Variants in HERC1 observed in about 807,000 individuals in gnomAD.
The protein encoded by HERC1 is HECT and RLD domain containing E3 ubiquitin protein ligase family member 1, also known as probable E3 ubiquitin-protein ligase HERC1.
Under a neutral mutation model 554.3 loss-of-function variants are expected in HERC1, and 160 were observed. The ratio of observed to expected loss-of-function variants is 0.29; its 90% confidence interval spans 0.25 to 0.33. HERC1 has a LOEUF of 0.33. Ranked by LOEUF, HERC1 falls within the 10% of genes least tolerant of loss-of-function variation. The probability of loss-of-function intolerance (pLI) is 1.00; values close to 1 mark genes in which losing one functional copy is unlikely to be tolerated. For synonymous variants in HERC1, 2,175 were observed against 2,131.7 expected, an observed-to-expected ratio of 1.02 and a Z score of -0.56; for missense variants, 4,919 against 5,918.5, an observed-to-expected ratio of 0.83 and a Z score of 5.54.
chr15:63,797,058 A>C (rs1183990760), intron 1 of HERC1, among the ~76,000 whole-genome samples: 2 of 152,184 alleles, frequency 1.3e-5, no homozygotes, highest in African/African-American at 4.8e-5. Context: ...AGATGGTTAG[A>C]GAGCTTAGAA....
chr15:63,792,648 T>A (rs2144286295), intron 1 of HERC1, among the ~76,000 whole-genome samples: 1 of 152,288 alleles, frequency 6.6e-6, no homozygotes, highest in South Asian at 2.1e-4. Flanking sequence ...ACGAAAGAAC[T>A]CAGTTTCTTC....
At position 63,624,199 on chromosome 15, in the gene HERC1, T is replaced by C. The variant is rs375298173; in HGVS notation, c.13404A>G (p.Lys4468=). ...TTACAGTTATCTGAGGTCCATAGTT[T>C]TTGCCTTGAACCATGGTTTTTCCTA... The part of the protein sequence containing the change: ...RSIGKTMVQG[K]NYGPQITVKR... The change falls in exon 72 of 78, where the codon AAA becomes AAG. Residue 4468 remains lysine, a synonymous_variant. Coordinates refer to ENST00000443617, the MANE Select transcript of HERC1 (RefSeq NM_003922.4). 14 of 1,613,808 alleles carry C rather than the reference T, an allele frequency of 8.7e-6. No individual in the cohort carries two copies. Among genetic ancestry groups the C allele is most frequent in the Admixed American group, 5.0e-5 (3 of 59,988 alleles).
chr15:63,655,743 T>C lies in HERC1; in HGVS notation c.10083A>G (p.Lys3361=), dbSNP rs1320809012. 11 of 1,549,112 alleles carry C rather than the reference T, an allele frequency of 7.1e-6. No homozygotes were observed. The highest frequency in any genetic ancestry group is 2.7e-5 in the African/African-American group (2 of 73,166). ...ATGTTTCAGTAGTATGAAACTTACC[T>C]TTCTTTTCAACTTCTGACTTATCAT... is the stretch of plus-strand genomic sequence containing the variant. ...PNYDKSEVEK[K]GPLELANALA... is the part of the protein sequence containing the mutation. The change falls in exon 50 of 78, where the codon AAA becomes AAG. Residue 3361 remains lysine (K), a splice_region_variant and synonymous_variant. Coordinates refer to ENST00000443617, the MANE Select transcript of HERC1 (RefSeq NM_003922.4).
chr15:63,774,852 G>A lies in HERC1; in HGVS notation c.772C>T (p.Arg258Ter), dbSNP rs756121133. The A allele has an allele frequency of 2.5e-6, 4 of 1,613,964 alleles. No individual in the cohort carries two copies. The highest frequency in any genetic ancestry group is 1.3e-5 in the African/African-American group (1 of 75,028). The change falls in exon 2 of 78, where the codon CGA becomes TGA. Residue 258 changes from arginine to a stop codon, truncating the protein, a stop_gained. Transcript: ENST00000443617. LOFTEE classifies it high-confidence loss of function. ...SELLLGLAAQ[R>*]GSLRYLLEWI... ...TCAAGAAGATATCGCAATGAGCCTC[G>A]TTGAGCTGCCAAACCAAGCAGCAAC...
chr15:63,818,516 T>A (rs2077574356), intron 1 of HERC1, among the ~76,000 whole-genome samples: 1 of 152,172 alleles, frequency 6.6e-6, no homozygotes, highest in Non-Finnish European at 1.5e-5. Flanking sequence ...TATAAAAATA[T>A]AAAATATTCA....
rs1019411431 is a variant in HERC1, at chr15:63,762,544, C to T, written c.1026+1552G>A. On this transcript the variant is annotated intron_variant, in intron 3 of 77. Transcript: ENST00000443617. ...TTCACCATATTGGCCAGGCTGGTCTCGAACTCCTGACCTCAGGTAATCCAC... is the reference window on the plus strand; with the variant it reads ...TTCACCATATTGGCCAGGCTGGTCTTGAACTCCTGACCTCAGGTAATCCAC... Among the ~76,000 whole-genome samples, 72 of 152,172 alleles carry T rather than the reference C, an allele frequency of 4.7e-4. No individual in the cohort carries two copies. In the South Asian group the frequency reaches 5.2e-3, roughly 11 times the overall value.
intron 1 of HERC1, among the ~76,000 whole-genome samples, chr15:63,807,634 T>TTAAAA (rs2077175217): frequency 6.6e-6 from 1 of 152,216 alleles, no homozygotes; most frequent in Non-Finnish European, 1.5e-5. Flanking sequence ...CTCCCCAGGC[T>TTAAAA]TAAAATCACT....
Position 63,623,880 on chromosome 15 carries a change from A to G in HERC1, c.13456T>C (p.Cys4486Arg), listed in dbSNP as rs747942097. Reference sequence around the variant, plus strand: ...GCTATTTGGACAAAAATAGGCTTACACTTCCGTCCTCTTTAAAAGAAAGGG... The same window carrying G: ...GCTATTTGGACAAAAATAGGCTTACGCTTCCGTCCTCTTTAAAAGAAAGGG... ...VKRISTRGRKCKPIFVQIARQ... is the reference protein window; with the variant it reads ...VKRISTRGRKRKPIFVQIARQ... The change falls in exon 73 of 78, where the codon TGT (cysteine) becomes CGT (arginine). Residue 4486 changes from cysteine (C) to arginine (R), a missense_variant. Cys to Arg is a radical substitution (Grantham distance 180). Transcript: ENST00000443617. The G allele has an allele frequency of 2.5e-6, 4 of 1,613,712 alleles. No individual in the cohort carries two copies. In the African/African-American group the frequency reaches 4.0e-5, roughly 16 times the overall value.
intron 1 of HERC1, among the ~76,000 whole-genome samples, chr15:63,825,555 T>A (rs927950383): frequency 6.6e-6 from 1 of 152,022 alleles, no homozygotes; most frequent in African/African-American, 2.4e-5. Flanking sequence ...GAGAAGAGAC[T>A]GGTGAACAAT....
At chr15:63,791,827 A>G (rs1041162431) in intron 1 of HERC1, among the ~76,000 whole-genome samples, 19 of 152,306 alleles carry the variant, frequency 1.2e-4, no homozygotes, top group Admixed American at 1.3e-4. Context: ...AATATTTTAT[A>G]AAAGCAAGTT....
intron 25 of HERC1, 94 bp from the exon 26 acceptor site, chr15:63,699,090 C>G: frequency 7.1e-6 from 8 of 1,127,900 alleles, no homozygotes; most frequent in Non-Finnish European, 1.0e-5. Flanking sequence ...CCATAACCAA[C>G]TGGTGAAAAA....
At chr15:63,778,586 C>T (rs984848172) in intron 1 of HERC1, among the ~76,000 whole-genome samples, 2 of 151,840 alleles carry the variant, frequency 1.3e-5, no homozygotes, top group African/African-American at 4.8e-5. Context: ...CAAAATAGAC[C>T]CATAAAATTG....
chr15:63,797,274 T>C (rs1211154102), intron 1 of HERC1, among the ~76,000 whole-genome samples: 1 of 152,246 alleles, frequency 6.6e-6, no homozygotes, highest in Non-Finnish European at 1.5e-5. Flanking sequence ...AGGAGTCATA[T>C]GGCTAGAGGT....
At chr15:63,628,444 T>G (rs1566952332) in intron 70 of HERC1, among the ~76,000 whole-genome samples, 1 of 152,202 alleles carries the variant, frequency 6.6e-6, no homozygotes, top group South Asian at 2.1e-4. Context: ...ATAAGTAATA[T>G]GTATTCTGCT....
At position 63,694,861 on chromosome 15, in the gene HERC1, T is replaced by C; in HGVS notation, c.5155A>G (p.Ile1719Val). The C allele has an allele frequency of 1.2e-6, 2 of 1,613,764 alleles. No homozygotes were observed. The highest frequency in any genetic ancestry group is 1.7e-6 in the Non-Finnish European group (2 of 1,179,714). ...TTATGCACAGCTACCTGGATTTCAA[T>C]CTGAATATTTCTCTTAGCTGCTCTG... ...GIRAAKRNIQ[I>V]EIQVAVHKIY... The change falls in exon 28 of 78, where the codon ATT becomes GTT. Residue 1719 changes from isoleucine (I) to valine (V), a missense_variant. Transcript: ENST00000443617. This position sits in a 1 kb window ranked among gnomAD's most constrained non-coding sequence, Gnocchi z 4.3.
intron 33 of HERC1, among the ~76,000 whole-genome samples, chr15:63,687,109 AG>A: frequency 6.6e-6 from 1 of 152,042 alleles, no homozygotes; most frequent in Non-Finnish European, 1.5e-5. Flanking sequence ...TACTGACATT[AG>A]GGAGACCTAC....
chr15:63,749,081 A>AT lies in HERC1; in HGVS notation c.2219+285dup, dbSNP rs925968273. On this transcript the variant is annotated intron_variant, in intron 10 of 77. Transcript: ENST00000443617. This position sits in a 1 kb window ranked among gnomAD's most constrained non-coding sequence, Gnocchi z 4.1. ...TTTCCTCTTGATATGCAGATATTTA[A>AT]TTTTTTTAAATCAGCATGTAGAGAT... Among the ~76,000 whole-genome samples the AT allele has an allele frequency of 6.6e-6, 1 of 152,110 alleles. No homozygotes were observed. Among genetic ancestry groups the AT allele is most frequent in the African/African-American group, 2.4e-5 (1 of 41,426 alleles).
Position 63,654,105 on chromosome 15 carries a change from C to G in HERC1, c.10290+14G>C. On this transcript the variant is annotated intron_variant, in intron 51 of 77. Transcript: ENST00000443617. Reference sequence around the variant, plus strand: ...CATAACGTGATTAACACACTTTCCACTCAAAATACTTACTCTGTTCTGATG... The same window carrying G: ...CATAACGTGATTAACACACTTTCCAGTCAAAATACTTACTCTGTTCTGATG... 6.3e-7 allele frequency: 1 copy of G among 1,596,618 alleles called. No homozygotes were observed. Among genetic ancestry groups the G allele is most frequent in the South Asian group, 1.1e-5 (1 of 90,754 alleles).
intron 26 of HERC1, 87 bp from the exon 27 acceptor site, chr15:63,696,426 T>A: frequency 1.2e-6 from 1 of 834,048 alleles, no homozygotes; most frequent in Non-Finnish European, 1.9e-6. Context: ...TTTTAACACT[T>A]AGAAAATTCT....
Sources: gnomAD v4.1 joint callset for allele counts (sites outside exome capture counted in the v4.1 genomes callset) on GRCh38, gnomAD v4.1.1 for gene constraint, Gnocchi (gnomAD v3.1) non-coding constraint, MANE v1.5 for transcripts, NCBI Gene and HGNC (gene_info 2026-07-23, HGNC 2026-07-21) for gene names.